The following DNAH7 variants were observed in gnomAD, a reference collection of about 807,000 sequenced individuals.
The protein encoded by DNAH7 is dynein axonemal heavy chain 7.
DNAH7 carries 397 observed loss-of-function variants against 444.6 expected under a neutral mutation model. The observed-to-expected ratio is 0.89, with a 90% CI of 0.82 to 0.97. DNAH7 has a LOEUF of 0.97. DNAH7 is among the 50% of genes least tolerant of loss of function. DNAH7 has a pLI of 0.00. For synonymous variants in DNAH7, 1,636 were observed against 1,624.4 expected, an observed-to-expected ratio of 1.01 and a Z score of -0.17; for missense variants, 4,902 against 4,800.8, an observed-to-expected ratio of 1.02 and a Z score of -0.62.
At chr2:195,792,702 T>C (rs949176675) in intron 57 of DNAH7, among the ~76,000 whole-genome samples, 1 of 151,656 alleles carries the variant, frequency 6.6e-6, no homozygotes, top group Non-Finnish European at 1.5e-5. Flanking sequence ...TAAGATAATA[T>C]CCCTATTCTT....
At chr2:196,024,261 A>G (rs1559345281) in intron 8 of DNAH7, among the ~76,000 whole-genome samples, 168 bp downstream of exon 8, 2 of 152,206 alleles carry the variant, frequency 1.3e-5, no homozygotes, top group Non-Finnish European at 2.9e-5. Context: ...AGCACAATAA[A>G]GCAAAGTGCA....
intron 2 of DNAH7, among the ~76,000 whole-genome samples, chr2:196,057,687 T>C (rs1697892698): frequency 6.6e-6 from 1 of 152,180 alleles, no homozygotes; most frequent in African/African-American, 2.4e-5. Flanking sequence ...TGCTGAGCTC[T>C]TAAAATGTTT....
intron 19 of DNAH7, among the ~76,000 whole-genome samples, chr2:195,938,377 CACACAA>C (rs1468904833): frequency 2.0e-5 from 3 of 151,262 alleles, no homozygotes; most frequent in African/African-American, 7.3e-5. Context: ...CACACACACA[CACACAA>C]ACACACACAG....
In DNAH7 at chr2:195,875,694, C is replaced by T. The variant is rs534113955; in HGVS notation, c.6267G>A (p.Met2089Ile). Residue 2089 changes from methionine (M) to isoleucine (I), a missense_variant, in exon 38 of 65, where the codon ATG becomes ATA. Met to Ile is a conservative substitution (Grantham distance 10). Transcript: ENST00000312428. ...ATGTACCTGGAGGTCCCATAGCACA[C>T]ATGATCTGAATGTCCACTAGTTTAA... is the stretch of plus-strand genomic sequence containing the variant. Reference protein sequence around the residue: ...SMIKLVDIQIMCAMGPPGGGR... With the variant: ...SMIKLVDIQIICAMGPPGGGR... 1 of 1,598,126 alleles carries T rather than the reference C, an allele frequency of 6.3e-7. No homozygotes were observed. Among genetic ancestry groups the T allele is most frequent in the Non-Finnish European group, 8.5e-7 (1 of 1,173,512 alleles).
In DNAH7 at chr2:195,808,669, G is replaced by A. The variant is rs770015578; in HGVS notation, c.10083+13C>T. 2 of 1,612,402 alleles carry A rather than the reference G, an allele frequency of 1.2e-6. No individual in the cohort carries two copies. The highest frequency in any genetic ancestry group is 4.5e-5 in the East Asian group (2 of 44,842). On this transcript the variant is annotated intron_variant, in intron 53 of 64. Transcript: ENST00000312428. Reference sequence around the variant, plus strand: ...TTAAAAACATTGGAATAAGTGAGAGGGTTAAAACATACCAAACTATCATAT... The same window carrying A: ...TTAAAAACATTGGAATAAGTGAGAGAGTTAAAACATACCAAACTATCATAT...
intron 9 of DNAH7, among the ~76,000 whole-genome samples, chr2:196,014,511 C>T (rs1694901818): frequency 6.6e-6 from 1 of 152,024 alleles, no homozygotes; most frequent in African/African-American, 2.4e-5. Flanking sequence ...GTCACATATC[C>T]CTCCTGCCCT....
intron 2 of DNAH7, among the ~76,000 whole-genome samples, chr2:196,056,062 C>A (rs930043144): frequency 6.6e-6 from 1 of 152,224 alleles, no homozygotes; most frequent in Non-Finnish European, 1.5e-5. Context: ...AATCATCTGG[C>A]AAATGATGCC....
Position 195,870,432 on chromosome 2 carries a change from G to A in DNAH7, c.6633+1818C>T, listed in dbSNP as rs555686799. On this transcript the variant is annotated intron_variant, in intron 40 of 64. Coordinates refer to ENST00000312428, the MANE Select transcript of DNAH7 (RefSeq NM_018897.3). Reference sequence around the variant, plus strand: ...AGATAACAGAGAAAGAGTGTTCTAGGCAGAAGGAATATCAAGGGCAAAGTT... The same window carrying A: ...AGATAACAGAGAAAGAGTGTTCTAGACAGAAGGAATATCAAGGGCAAAGTT... Among the ~76,000 whole-genome samples the A allele has an allele frequency of 9.8e-5, 15 of 152,288 alleles. No homozygotes were observed. The South Asian group carries it at 1.5e-3, about 15-fold the overall frequency.
intron 18 of DNAH7, among the ~76,000 whole-genome samples, chr2:195,958,212 C>T (rs1464577307): frequency 2.6e-5 from 4 of 152,068 alleles, no homozygotes; most frequent in Non-Finnish European, 5.9e-5. Flanking sequence ...GATAAGAAGA[C>T]CAACCCCTCC....
intron 5 of DNAH7, among the ~76,000 whole-genome samples, 177 bp from the exon 6 acceptor site, chr2:196,028,224 T>C (rs1695811970): frequency 6.6e-6 from 1 of 152,186 alleles, no homozygotes; most frequent in Non-Finnish European, 1.5e-5. Context: ...CCAAATACTT[T>C]ATTCATAGAG....
Position 196,039,788 on chromosome 2 carries a change from CAA to C in DNAH7, c.398+7562_398+7563del, listed in dbSNP as rs34592815. ...TACTCAACAGAGTGAGATTCTGCCT[CAA>C]AAAAAAAAAAAAAGACAAAAAAAAG... On this transcript the variant is annotated intron_variant, in intron 5 of 64. Coordinates refer to ENST00000312428, the MANE Select transcript of DNAH7 (RefSeq NM_018897.3). 4.2e-3 allele frequency among the ~76,000 whole-genome samples: 332 copies of C among 79,644 alleles called. 1 individual carries two copies. Among genetic ancestry groups the C allele is most frequent in the African/African-American group, 0.011 (276 of 24,186 alleles). The allele number at this position is 79,644 out of a possible 152,430, so 52.2% of individuals were successfully genotyped here. A position where few individuals can be genotyped will look rare whatever the true frequency, so the allele number is the denominator to read the frequency against.
chr2:195,976,827 A>G (rs1014129092), intron 15 of DNAH7, among the ~76,000 whole-genome samples: 2 of 149,612 alleles, frequency 1.3e-5, no homozygotes, highest in African/African-American at 4.9e-5. Flanking sequence ...GAAGAGAATA[A>G]GAGTCTCTGC....
intron 9 of DNAH7, among the ~76,000 whole-genome samples, chr2:196,016,248 A>G (rs1695013761): frequency 6.6e-6 from 1 of 152,146 alleles, no homozygotes; most frequent in Non-Finnish European, 1.5e-5. Flanking sequence ...AAAAAAAACG[A>G]TAACTTGTGG....
intron 51 of DNAH7, among the ~76,000 whole-genome samples, chr2:195,813,426 G>C (rs183678229): frequency 5.4e-4 from 82 of 152,204 alleles, no homozygotes; most frequent in African/African-American, 1.8e-3. Flanking sequence ...AGACCCAGAA[G>C]CCATTTCTTT....
chr2:195,882,570 C>T (rs966835190), intron 35 of DNAH7, among the ~76,000 whole-genome samples: 1 of 152,132 alleles, frequency 6.6e-6, no homozygotes, highest in Non-Finnish European at 1.5e-5. Context: ...CTAGAACAGG[C>T]AAGATTTCTT....
chr2:195,876,120 G>A (rs1422329694), intron 37 of DNAH7, among the ~76,000 whole-genome samples: 3 of 152,206 alleles, frequency 2.0e-5, no homozygotes, highest in Non-Finnish European at 1.5e-5. Flanking sequence ...TCAATATACT[G>A]CATATTTTTT....
chr2:195,999,129 G>A (rs186399915), intron 12 of DNAH7: 16 of 717,444 alleles, frequency 2.2e-5, no homozygotes, highest in Admixed American at 1.0e-4. Context: ...GAACACTGAA[G>A]GGTGACACAA....
chr2:195,860,901 A>G (rs1699978878), intron 42 of DNAH7, among the ~76,000 whole-genome samples: 2 of 152,128 alleles, frequency 1.3e-5, no homozygotes, highest in South Asian at 4.1e-4. Flanking sequence ...AAATCATATT[A>G]ATTTATAGAT....
rs748220857 is a variant in DNAH7 at position 196,047,354 on chromosome 2, A to G, written c.396T>C (p.Ile132=). Residue 132 remains isoleucine, a splice_region_variant and synonymous_variant, in exon 5 of 65, where the codon ATT becomes ATC. Transcript: ENST00000312428. ...ENFRSTLVNV[I]MQQDADLDSA... ...AATGGTTAGCCTATACAACTTACAT[A>G]ATGACATTAACAAGAGTACTTCTAA... The G allele has an allele frequency of 9.4e-6, 15 of 1,587,718 alleles. No homozygotes were observed. The African/African-American group carries it at 1.3e-4, about 14-fold the overall frequency.
Sources: allele counts gnomAD v4.1 joint callset (sites outside exome capture counted in the v4.1 genomes callset), GRCh38; gene constraint gnomAD v4.1.1; transcripts MANE v1.5; gene names NCBI Gene and HGNC (gene_info 2026-07-23, HGNC 2026-07-21).